The following GPR158 variants were observed in gnomAD, a reference collection of about 807,000 sequenced individuals.
GPR158 encodes G protein-coupled receptor 158.
A neutral mutation model predicts 78.2 loss-of-function variants in GPR158; 30 were observed. That is an observed-to-expected ratio of 0.38 (90% confidence interval 0.29 to 0.52). The LOEUF (loss-of-function observed/expected upper bound fraction) is 0.52, where lower values mean the gene tolerates loss of function less well. GPR158 is among the 20% of genes least tolerant of loss of function. The pLI is 0.83. For missense variants in GPR158, 1,463 were observed against 1,523.5 expected (o/e 0.96, Z 0.66); for synonymous variants, 581 against 591.1 (o/e 0.98, Z 0.25).
chr10:25,442,325 T>C (rs1174487219), intron 4 of GPR158, among the ~76,000 whole-genome samples: 1 of 151,854 alleles, frequency 6.6e-6, no homozygotes, highest in Non-Finnish European at 1.5e-5. Context: ...CAAACACGAG[T>C]GGCTCACCAG....
At position 25,591,763 on chromosome 10, in the gene GPR158, T is replaced by C. The variant is rs183291207; in HGVS notation, c.1893-2529T>C. On this transcript the variant is annotated intron_variant, in intron 8 of 10. Coordinates refer to ENST00000376351, the MANE Select transcript of GPR158 (RefSeq NM_020752.3). ...GACCCACTATATCTTTCTGCCTAGA[T>C]TGGATCAGACTGTGGTATATTGACT... Among the ~76,000 whole-genome samples the C allele has an allele frequency of 1.3e-3, 199 of 152,254 alleles. 1 individual carries two copies. Among genetic ancestry groups the C allele is most frequent in the Non-Finnish European group, 2.4e-3 (160 of 67,976 alleles).
rs1254896432 is a variant in GPR158, at chr10:25,176,238, A to G, written c.818A>G (p.Glu273Gly). Residue 273 changes from glutamate (E) to glycine (G), a missense_variant, in exon 1 of 11, where the codon GAG becomes GGG. Glu to Gly is a moderately conservative substitution (Grantham distance 98, BLOSUM62 -2). Transcript: ENST00000376351. The surrounding 1 kb of genome is among the most constrained non-coding windows in gnomAD (Gnocchi z 6.3). ...FKWSPPYLEC[E>G]NGSYKPGWLV... ...TGGTCTCCGCCTTATCTGGAGTGCGAGAACGGGAGTTACAAGCCCGGGTGG... is the reference window on the plus strand; with the variant it reads ...TGGTCTCCGCCTTATCTGGAGTGCGGGAACGGGAGTTACAAGCCCGGGTGG... 1.2e-6 allele frequency: 2 copies of G among 1,607,410 alleles called. No individual in the cohort carries two copies. The highest frequency in any genetic ancestry group is 2.7e-5 in the African/African-American group (2 of 74,916).
chr10:25,305,340 A>G (rs1318262623), intron 2 of GPR158, among the ~76,000 whole-genome samples: 1 of 152,190 alleles, frequency 6.6e-6, no homozygotes, highest in African/African-American at 2.4e-5. Context: ...AGCCTTTACT[A>G]TGTGCCAGGG....
chr10:25,207,053 G>C (rs1261761051), intron 1 of GPR158, among the ~76,000 whole-genome samples: 1 of 152,024 alleles, frequency 6.6e-6, no homozygotes, highest in Non-Finnish European at 1.5e-5. Context: ...TGCATTATAG[G>C]AGGAGAATTA....
chr10:25,484,314 CT>C (rs1179868184), intron 5 of GPR158, among the ~76,000 whole-genome samples: 6 of 152,152 alleles, frequency 3.9e-5, no homozygotes, highest in Non-Finnish European at 7.4e-5. Context: ...TCAAATGTCA[CT>C]TCTCAGTGAA....
At chr10:25,235,251 A>G (rs1175482795) in intron 2 of GPR158, among the ~76,000 whole-genome samples, 2 of 152,176 alleles carry the variant, frequency 1.3e-5, no homozygotes, top group Non-Finnish European at 2.9e-5. Flanking sequence ...CTTTCCTTCT[A>G]CATTAGCCAC....
At chr10:25,552,672 T>C (rs1377531668) in intron 6 of GPR158, among the ~76,000 whole-genome samples, 1 of 152,214 alleles carries the variant, frequency 6.6e-6, no homozygotes, top group Non-Finnish European at 1.5e-5. Context: ...GATGAGTGAA[T>C]GAATGAAAAA....
intron 5 of GPR158, among the ~76,000 whole-genome samples, chr10:25,524,398 C>A (rs1391718880): frequency 6.6e-6 from 1 of 152,164 alleles, no homozygotes; most frequent in African/African-American, 2.4e-5. Context: ...AAACTTACTA[C>A]AAAGCTGTGC....
chr10:25,580,020 G>T (rs1282124136), intron 7 of GPR158, among the ~76,000 whole-genome samples: 2 of 152,118 alleles, frequency 1.3e-5, no homozygotes, highest in Non-Finnish European at 2.9e-5. Flanking sequence ...CTCTCTTCAT[G>T]GTTGTGAAAG....
chr10:25,545,066 G>T (rs112549662), intron 5 of GPR158, among the ~76,000 whole-genome samples: 2 of 152,078 alleles, frequency 1.3e-5, no homozygotes, highest in Non-Finnish European at 2.9e-5. Flanking sequence ...ATAGTATTCC[G>T]TGGCGTATAT....
rs780764997 is a variant in GPR158, at chr10:25,598,978, G to A, written c.3352G>A (p.Glu1118Lys). ...RAANVCAGQS[E>K]ELPPKAVASK... ...AGCCAATGTGTGTGCTGGGCAGAGC[G>A]AAGAACTGCCCCCCAAAGCTGTAGC... The change falls in exon 11 of 11, where the codon GAA becomes AAA. Residue 1118 changes from glutamate to lysine, a missense_variant. By Grantham distance (56) the Glu-to-Lys change is moderately conservative. Transcript: ENST00000376351. The A allele has an allele frequency of 3.7e-5, 60 of 1,613,588 alleles. No individual in the cohort carries two copies. The highest frequency in any genetic ancestry group is 2.2e-5 in the East Asian group (1 of 44,784).
intron 1 of GPR158, among the ~76,000 whole-genome samples, chr10:25,197,432 A>G (rs1852857800): frequency 6.6e-6 from 1 of 152,210 alleles, no homozygotes; most frequent in Admixed American, 6.5e-5. Context: ...AAAATCTAAA[A>G]TTTAAAAGTC....
At chr10:25,292,366 G>C (rs566471750) in intron 2 of GPR158, among the ~76,000 whole-genome samples, 26 of 152,136 alleles carry the variant, frequency 1.7e-4, no homozygotes, top group East Asian at 5.8e-4. Context: ...GAATGAGCTG[G>C]TTGCTCCTTT....
chr10:25,300,677 A>G (rs568465130), intron 2 of GPR158, among the ~76,000 whole-genome samples: 1 of 152,260 alleles, frequency 6.6e-6, no homozygotes, highest in African/African-American at 2.4e-5. Context: ...AGATAAGAAT[A>G]ATTTTAAGTA....
At chr10:25,558,856 AC>A (rs1349557326) in intron 6 of GPR158, among the ~76,000 whole-genome samples, 1 of 152,212 alleles carries the variant, frequency 6.6e-6, no homozygotes, top group African/African-American at 2.4e-5. Flanking sequence ...GAGAGCACGT[AC>A]CTTGTGTGAC....
intron 1 of GPR158, among the ~76,000 whole-genome samples, chr10:25,191,795 G>A (rs1377454889): frequency 6.6e-6 from 1 of 152,088 alleles, no homozygotes; most frequent in African/African-American, 2.4e-5. Flanking sequence ...AAGGCAGGGG[G>A]CTCACAGGTT....
At chr10:25,359,105 TTTGTCA>T (rs1355285151) in intron 2 of GPR158, among the ~76,000 whole-genome samples, 1 of 152,018 alleles carries the variant, frequency 6.6e-6, no homozygotes, top group Non-Finnish European at 1.5e-5. Context: ...TCTCTGCAAT[TTTGTCA>T]TTTTTATTTT....
intron 7 of GPR158, among the ~76,000 whole-genome samples, chr10:25,573,949 A>T (rs1837050565): frequency 6.6e-6 from 1 of 152,070 alleles, no homozygotes; most frequent in Non-Finnish European, 1.5e-5. Flanking sequence ...ATAACAGAAG[A>T]TAAATCACAG....
chr10:25,564,088 A>C (rs1413530215), intron 6 of GPR158, among the ~76,000 whole-genome samples: 1 of 152,076 alleles, frequency 6.6e-6, no homozygotes, highest in Non-Finnish European at 1.5e-5. Flanking sequence ...TGGCCATTGA[A>C]GTCTCTTTTC....
Sources: allele counts gnomAD v4.1 joint callset (sites outside exome capture counted in the v4.1 genomes callset), GRCh38; gene constraint gnomAD v4.1.1; non-coding constraint Gnocchi (gnomAD v3.1); transcripts MANE v1.5; gene names NCBI Gene and HGNC (gene_info 2026-07-23, HGNC 2026-07-21).